Variants in GAS2 observed in about 807,000 individuals in gnomAD.
GAS2 encodes the protein growth arrest specific 2, also known as growth arrest-specific protein 2.
A neutral mutation model predicts 37.5 loss-of-function variants in GAS2; 20 were observed. The observed-to-expected ratio is 0.53, with a 90% CI of 0.37 to 0.77. The LOEUF (loss-of-function observed/expected upper bound fraction) is 0.77, where lower values mean the gene tolerates loss of function less well. Ranked by LOEUF, GAS2 falls within the 30% of genes least tolerant of loss-of-function variation. GAS2 has a pLI of 0.00. For synonymous variants in GAS2, 144 were observed against 132.2 expected (o/e 1.09, Z -0.61); for missense variants, 336 against 373.4 (o/e 0.90, Z 0.82).
At chr11:22,750,731 CT>C (rs1003152788) in intron 6 of GAS2, among the ~76,000 whole-genome samples, 1 of 151,832 alleles carries the variant, frequency 6.6e-6, no homozygotes, top group Non-Finnish European at 1.5e-5. Context: ...GTCAATTATA[CT>C]TTTTTTATTA....
chr11:22,720,139 C>G (rs1851878259), intron 3 of GAS2, among the ~76,000 whole-genome samples: 1 of 152,024 alleles, frequency 6.6e-6, no homozygotes, highest in Non-Finnish European at 1.5e-5. Context: ...TACTAAAACT[C>G]TGCTCTGAGA....
intron 1 of GAS2, among the ~76,000 whole-genome samples, chr11:22,634,489 C>T (rs1226142815): frequency 6.6e-6 from 1 of 152,130 alleles, no homozygotes; most frequent in Admixed American, 6.5e-5. Context: ...ACCTGTTGTG[C>T]CTTTGCTGAA....
At chr11:22,768,111 A>AT (rs1199969317) in intron 7 of GAS2, among the ~76,000 whole-genome samples, 1 of 152,198 alleles carries the variant, frequency 6.6e-6, no homozygotes, top group Non-Finnish European at 1.5e-5. Context: ...ACAGTGTTTC[A>AT]TGATATAGTC....
intron 5 of GAS2, among the ~76,000 whole-genome samples, chr11:22,747,725 C>T (rs1313706388): frequency 1.3e-5 from 2 of 151,992 alleles, no homozygotes; most frequent in Admixed American, 6.6e-5. Context: ...GGAGGGCTCC[C>T]GGTGGACAGC....
intron 3 of GAS2, among the ~76,000 whole-genome samples, chr11:22,724,912 C>A: frequency 6.6e-6 from 1 of 151,890 alleles, no homozygotes; most frequent in East Asian, 1.9e-4. Flanking sequence ...TCCACCTAAG[C>A]CACTATTTTT....
rs1554973677 is a variant in GAS2, at chr11:22,715,479, A to AAAAAG, written c.268-10794_268-10790dup. ...CTGTCTCAAAAAAAAAAAAAAAAAA[A>AAAAAG]AAAAGAAAAGAAAAGAAAAGAAACA... On this transcript the variant is annotated intron_variant, in intron 3 of 7. Coordinates refer to ENST00000454584, the MANE Select transcript of GAS2 (RefSeq NM_001143830.3). 1.1e-3 allele frequency among the ~76,000 whole-genome samples: 164 copies of AAAAAG among 145,880 alleles called. 3 individuals are homozygous for AAAAAG. The highest frequency in any genetic ancestry group is 2.5e-3 in the East Asian group (12 of 4,852).
chr11:22,689,155 G>A (rs1470407329), intron 3 of GAS2, among the ~76,000 whole-genome samples: 1 of 152,032 alleles, frequency 6.6e-6, no homozygotes, highest in Non-Finnish European at 1.5e-5. Context: ...GAGGGTGAAG[G>A]TCAAAAAACT....
At chr11:22,790,234 G>C (rs1345495385) in intron 7 of GAS2, among the ~76,000 whole-genome samples, 3 of 152,114 alleles carry the variant, frequency 2.0e-5, no homozygotes, top group Non-Finnish European at 4.4e-5. Flanking sequence ...ACCACCCCTG[G>C]TGCAGTCAAC....
At chr11:22,649,901 T>C (rs893757244) in intron 1 of GAS2, among the ~76,000 whole-genome samples, 140 of 152,204 alleles carry the variant, frequency 9.2e-4, no homozygotes, top group Non-Finnish European at 1.7e-3. Flanking sequence ...GAAGGGTTTT[T>C]TGTGTCTCTA....
At chr11:22,674,801 G>C (rs1849350140) in intron 1 of GAS2, 49 bp from the exon 2 acceptor site, 7 of 1,397,808 alleles carry the variant, frequency 5.0e-6, no homozygotes, top group Non-Finnish European at 6.8e-6. Context: ...ACAACATTTT[G>C]TGAGAGAAGT....
intron 5 of GAS2, among the ~76,000 whole-genome samples, chr11:22,745,532 T>G (rs1438576670): frequency 6.6e-6 from 1 of 151,766 alleles, no homozygotes; most frequent in Non-Finnish European, 1.5e-5. Context: ...TAGGAAATAC[T>G]AGGATTCCTA....
intron 7 of GAS2, among the ~76,000 whole-genome samples, chr11:22,772,570 G>C (rs536218634): frequency 6.6e-6 from 1 of 152,228 alleles, no homozygotes; most frequent in African/African-American, 2.4e-5. Context: ...GCTGAAGTTA[G>C]TATGATTTCC....
chr11:22,804,124 G>A (rs1409268479), intron 7 of GAS2, among the ~76,000 whole-genome samples: 1 of 152,132 alleles, frequency 6.6e-6, no homozygotes, highest in Non-Finnish European at 1.5e-5. Context: ...CAGGGAAGAA[G>A]CAAGGGCTAG....
intron 7 of GAS2, among the ~76,000 whole-genome samples, chr11:22,780,521 G>A (rs79730884): frequency 6.1e-4 from 81 of 133,144 alleles, no homozygotes; most frequent in African/African-American, 2.3e-3. Flanking sequence ...ACCTACCACT[G>A]TCTCTCTTTC....
At chr11:22,811,724 C>A in intron 7 of GAS2, 74 bp from the exon 8 acceptor site, 1 of 1,397,074 alleles carries the variant, frequency 7.2e-7, no homozygotes, top group Non-Finnish European at 1.0e-6. Flanking sequence ...ACTAATTTCA[C>A]TAGAACCAGG....
intron 1 of GAS2, among the ~76,000 whole-genome samples, chr11:22,647,754 A>G (rs1056178721): frequency 3.9e-5 from 6 of 151,964 alleles, no homozygotes; most frequent in African/African-American, 9.7e-5. Context: ...TCCTTCGCCC[A>G]CTTTTTGATG....
intron 1 of GAS2, among the ~76,000 whole-genome samples, chr11:22,667,606 A>T (rs562453854): frequency 6.6e-6 from 1 of 152,156 alleles, no homozygotes; most frequent in South Asian, 2.1e-4. Flanking sequence ...AAAGGAGGCA[A>T]TTTTGCTTTG....
At chr11:22,780,768 C>T (rs965470941) in intron 7 of GAS2, among the ~76,000 whole-genome samples, 2 of 151,800 alleles carry the variant, frequency 1.3e-5, no homozygotes, top group Non-Finnish European at 2.9e-5. Context: ...ACATATGGTC[C>T]AAGGTGGTTC....
rs371427692 is a variant in GAS2 at position 22,806,992 on chromosome 11, C to A, written c.724-4806C>A. ...CTGTTTTAAGTATTATGGGTAAGTA[C>A]ATGAATCATGGATGCTTACACCCTT... is the stretch of plus-strand genomic sequence containing the variant. On this transcript the variant is annotated intron_variant, in intron 7 of 7. Coordinates refer to ENST00000454584, the MANE Select transcript of GAS2 (RefSeq NM_001143830.3). 2.7e-3 allele frequency among the ~76,000 whole-genome samples: 415 copies of A among 152,198 alleles called. 1 individual carries two copies. The highest frequency in any genetic ancestry group is 9.5e-3 in the African/African-American group (394 of 41,516).
Sources: allele counts gnomAD v4.1 joint callset (sites outside exome capture counted in the v4.1 genomes callset), GRCh38; gene constraint gnomAD v4.1.1; transcripts MANE v1.5; gene names NCBI Gene and HGNC (gene_info 2026-07-23, HGNC 2026-07-21).